Variants in ROBO1 observed in about 807,000 individuals in gnomAD.
ROBO1 encodes roundabout homolog 1.
A neutral mutation model predicts 195.9 loss-of-function variants in ROBO1; 149 were observed. The ratio of observed to expected loss-of-function variants is 0.76; its 90% CI spans 0.67 to 0.87. ROBO1 has a LOEUF of 0.87. Ranked by LOEUF, ROBO1 falls within the 40% of genes least tolerant of loss-of-function variation. ROBO1 has a pLI of 0.00. For missense variants in ROBO1, 1,933 were observed against 2,068.3 expected, an observed-to-expected ratio of 0.93 and a Z score of 1.27; for synonymous variants, 816 against 733.2, an observed-to-expected ratio of 1.11 and a Z score of -1.82.
intron 4 of ROBO1, among the ~76,000 whole-genome samples, chr3:78,899,340 A>G (rs1315897481): frequency 2.0e-5 from 3 of 152,212 alleles, no homozygotes; most frequent in African/African-American, 7.2e-5. Context: ...ACAAACTATT[A>G]TAATCTGATT....
chr3:79,380,318 T>A (rs116636802), intron 2 of ROBO1, among the ~76,000 whole-genome samples: 2,444 of 152,274 alleles, frequency 0.016, 65 homozygotes, highest in African/African-American at 0.054. Context: ...TGCAAGTGGC[T>A]AGTATATCCT....
intron 2 of ROBO1, among the ~76,000 whole-genome samples, chr3:79,487,573 A>G (rs555137531): frequency 3.3e-5 from 5 of 152,300 alleles, no homozygotes; most frequent in East Asian, 3.9e-4. Flanking sequence ...AAGAGTATAG[A>G]CCAGTGGTAT....
At chr3:78,732,191 T>C (rs1177980986) in intron 5 of ROBO1, among the ~76,000 whole-genome samples, 5 of 152,106 alleles carry the variant, frequency 3.3e-5, no homozygotes, top group Admixed American at 2.0e-4. Flanking sequence ...CAACAGCTTA[T>C]ATTTTCTTTG....
intron 2 of ROBO1, among the ~76,000 whole-genome samples, chr3:79,265,320 T>A (rs1405202842): frequency 6.6e-6 from 1 of 151,572 alleles, no homozygotes; most frequent in East Asian, 1.9e-4. Flanking sequence ...CTGAGGTTTT[T>A]AGGTTAGAGC....
chr3:79,434,659 TC>T (rs1255371688), intron 2 of ROBO1, among the ~76,000 whole-genome samples: 2 of 152,116 alleles, frequency 1.3e-5, no homozygotes, highest in African/African-American at 2.4e-5. Context: ...GTGTGGCGAT[TC>T]CTCAAGGATC....
At position 79,028,886 on chromosome 3, in the gene ROBO1, G is replaced by A. The variant is rs139588979; in HGVS notation, c.173-89959C>T. Among the ~76,000 whole-genome samples the A allele has an allele frequency of 2.2e-3, 340 of 152,106 alleles. 1 individual carries two copies. The highest frequency in any genetic ancestry group is 7.8e-3 in the African/African-American group (325 of 41,550). ...AATATGCCTGAATTTCACAGGTCTT[G>A]TATTTCACACCAGAAAGTAAACTCT... is the stretch of plus-strand genomic sequence containing the variant. On this transcript the variant is annotated intron_variant, in intron 3 of 30. Coordinates refer to ENST00000464233, the MANE Select transcript of ROBO1 (RefSeq NM_002941.4).
In ROBO1 at chr3:78,614,693, G is replaced by A; in HGVS notation, c.4390C>T (p.Leu1464=). The A allele has an allele frequency of 6.2e-7, 1 of 1,613,604 alleles. No individual in the cohort carries two copies. The highest frequency in any genetic ancestry group is 1.3e-5 in the African/African-American group (1 of 74,934). Residue 1464 remains leucine (L), a synonymous_variant, in exon 28 of 31, where the codon CTG becomes TTG. Transcript: ENST00000464233. The part of the protein sequence containing the change: ...VMQKTRPAKK[L]KHQPGHLRRE... ...CGCAGATGTCCTGGCTGGTGTTTCA[G>A]TTTCTTGGCTGGTCTGGTTTTCTGC...
intron 2 of ROBO1, among the ~76,000 whole-genome samples, chr3:79,558,017 C>A (rs2107698563): frequency 6.6e-6 from 1 of 152,020 alleles, no homozygotes; most frequent in South Asian, 2.1e-4. Context: ...GGTTACTGTA[C>A]AATAATCAGC....
intron 3 of ROBO1, among the ~76,000 whole-genome samples, chr3:79,103,175 C>G (rs563007364): frequency 3.6e-4 from 54 of 151,728 alleles, no homozygotes; most frequent in African/African-American, 1.2e-3. Context: ...GAACTAGATG[C>G]AATTTATTAG....
At chr3:79,588,094 A>T (rs1943885574) in intron 2 of ROBO1, among the ~76,000 whole-genome samples, 1 of 151,716 alleles carries the variant, frequency 6.6e-6, no homozygotes, top group Non-Finnish European at 1.5e-5. Context: ...TTTTTTAACT[A>T]ACTGATAACC....
chr3:79,380,801 G>C (rs756832493), intron 2 of ROBO1, among the ~76,000 whole-genome samples: 1 of 152,082 alleles, frequency 6.6e-6, no homozygotes, highest in Non-Finnish European at 1.5e-5. Flanking sequence ...GGTGGCAGAA[G>C]TGACAGTGTG....
At chr3:79,747,607 C>A (rs1376839371) in intron 1 of ROBO1, among the ~76,000 whole-genome samples, 1 of 151,952 alleles carries the variant, frequency 6.6e-6, no homozygotes, top group Non-Finnish European at 1.5e-5. Flanking sequence ...ATATCTTGAA[C>A]AAGAAACTAT....
chr3:78,927,071 C>T (rs2039263940), intron 4 of ROBO1, among the ~76,000 whole-genome samples: 1 of 152,056 alleles, frequency 6.6e-6, no homozygotes, highest in Non-Finnish European at 1.5e-5. Flanking sequence ...AAGCTGAGAT[C>T]AAGGCCATTA....
chr3:78,906,622 C>A (rs2037938475), intron 4 of ROBO1, among the ~76,000 whole-genome samples: 1 of 152,054 alleles, frequency 6.6e-6, no homozygotes, highest in South Asian at 2.1e-4. Context: ...ATTAAACATT[C>A]TGATACTTTA....
At chr3:79,334,300 T>TAA (rs59858022) in intron 2 of ROBO1, among the ~76,000 whole-genome samples, 12,098 of 117,898 alleles carry the variant, frequency 0.1, 761 homozygotes, top group South Asian at 0.2. Context: ...AGACTCTGTC[T>TAA]AAAAAAAAAA....
At chr3:79,439,286 A>G (rs919666590) in intron 2 of ROBO1, among the ~76,000 whole-genome samples, 4 of 152,144 alleles carry the variant, frequency 2.6e-5, no homozygotes, top group African/African-American at 9.7e-5. Flanking sequence ...ACAGAAGCCA[A>G]TGAGGATGTA....
intron 4 of ROBO1, among the ~76,000 whole-genome samples, chr3:78,897,557 T>C (rs1397355066): frequency 1.3e-5 from 2 of 152,252 alleles, no homozygotes; most frequent in African/African-American, 4.8e-5. Flanking sequence ...AAAGGACTTG[T>C]GTGTTGCACT....
At chr3:79,406,267 TAA>T (rs967140798) in intron 2 of ROBO1, among the ~76,000 whole-genome samples, 1 of 142,672 alleles carries the variant, frequency 7.0e-6, no homozygotes, top group Non-Finnish European at 1.5e-5. Context: ...AAAAAATCTC[TAA>T]AAAAAAAAGT....
At position 78,598,919 on chromosome 3, in the gene ROBO1, T is replaced by A. The variant is rs1250596351; in HGVS notation, c.4950A>T (p.Glu1650Asp). 1 of 1,574,538 alleles carries A rather than the reference T, an allele frequency of 6.4e-7. No individual in the cohort carries two copies. The highest frequency in any genetic ancestry group is 8.7e-7 in the Non-Finnish European group (1 of 1,156,004). Residue 1650 changes from glutamate to aspartate, a missense_variant, in exon 31 of 31, where the codon GAA (glutamate) becomes GAT (aspartate). Physicochemically the swap from Glu to Asp is conservative, Grantham distance 45 (BLOSUM62 2). Around this residue, in one of 3 missense-constraint regions of ROBO1, gnomAD observed 1,737 missense variants for 1,882.5 expected, o/e 0.92. Coordinates refer to ENST00000464233, the MANE Select transcript of ROBO1 (RefSeq NM_002941.4). The stretch of plus-strand genomic sequence containing the variant: ...ATAAGCCTCTTGGTTGTCTTCAGCT[T>A]TCAGTTTCCTGTAAGAGATACGTTA... ...EDNNEELEET[E>D]S
Sources: allele counts gnomAD v4.1 joint callset (sites outside exome capture counted in the v4.1 genomes callset), GRCh38; gene constraint gnomAD v4.1.1; regional missense constraint gnomAD v4.1.1; transcripts MANE v1.5; gene names NCBI Gene and HGNC (gene_info 2026-07-23, HGNC 2026-07-21).